BMPR1B: variants seen among roughly 807,000 people sequenced by gnomAD.
The protein encoded by BMPR1B is bone morphogenetic protein receptor type 1B, also known as bone morphogenetic protein receptor type-1B.
A neutral mutation model predicts 59.1 loss-of-function variants in BMPR1B; 12 were observed. That is an observed-to-expected ratio of 0.20 (90% CI 0.13 to 0.33). The LOEUF is 0.33. Ranked by LOEUF, BMPR1B falls within the 10% of genes least tolerant of loss-of-function variation. BMPR1B has a pLI of 1.00. For synonymous variants in BMPR1B, 237 were observed against 207.3 expected (o/e 1.14, Z -1.23); for missense variants, 550 against 610.9 (o/e 0.90, Z 1.05).
At position 94,845,622 on chromosome 4, in the gene BMPR1B, G is replaced by A. The variant is rs150474983; in HGVS notation, c.-182-30209G>A. Among the ~76,000 whole-genome samples the A allele has an allele frequency of 6.7e-3, 1,021 of 152,328 alleles. 10 individuals carry two copies. The highest frequency in any genetic ancestry group is 0.023 in the African/African-American group (944 of 41,578). On this transcript the variant is annotated intron_variant, in intron 1 of 12. Transcript: ENST00000515059. ...CTCCCAAAGTGCTGGGATTACAGGC[G>A]TGAGCCATCGTGCCTGGCCAACCAA...
intron 2 of BMPR1B, among the ~76,000 whole-genome samples, chr4:94,907,445 T>G (rs1195013327): frequency 6.6e-6 from 1 of 152,068 alleles, no homozygotes; most frequent in African/African-American, 2.4e-5. Context: ...TGTTAGGAGC[T>G]TTCAGTTCAG....
chr4:94,924,395 G>A (rs1728808756), intron 2 of BMPR1B, among the ~76,000 whole-genome samples: 1 of 152,062 alleles, frequency 6.6e-6, no homozygotes, highest in African/African-American at 2.4e-5. Flanking sequence ...AGGATACCTA[G>A]TCTACTACTC....
At position 94,855,269 on chromosome 4, in the gene BMPR1B, C is replaced by T. The variant is rs554732377; in HGVS notation, c.-182-20562C>T. Among the ~76,000 whole-genome samples, 4 of 152,248 alleles carry T rather than the reference C, an allele frequency of 2.6e-5. No homozygotes were observed. In the South Asian group the frequency reaches 8.3e-4, roughly 32 times the overall value. On this transcript the variant is annotated intron_variant, in intron 1 of 12. Coordinates refer to ENST00000515059, the MANE Select transcript of BMPR1B (RefSeq NM_001203.3). ...TTCTCTCTCATTTTAAGTCTCATAA[C>T]CATCTGATGAAGCAAGCATTATTAA... is the stretch of plus-strand genomic sequence containing the variant.
chr4:95,042,114 C>A (rs1725701824), intron 3 of BMPR1B, among the ~76,000 whole-genome samples: 1 of 152,216 alleles, frequency 6.6e-6, no homozygotes, highest in Non-Finnish European at 1.5e-5. Context: ...CCTCGGCCTC[C>A]CAAAGTGCTG....
intron 1 of BMPR1B, among the ~76,000 whole-genome samples, chr4:94,787,176 G>T (rs902564186): frequency 2.6e-5 from 4 of 152,108 alleles, no homozygotes; most frequent in African/African-American, 9.7e-5. Flanking sequence ...CTTAAAAGAC[G>T]TACTAAAGCA....
At chr4:94,932,746 G>T (rs1010079554) in intron 2 of BMPR1B, among the ~76,000 whole-genome samples, 2 of 152,024 alleles carry the variant, frequency 1.3e-5, no homozygotes, top group Non-Finnish European at 1.5e-5. Context: ...ATAATAATAA[G>T]AAACAGTAAT....
At chr4:94,899,417 A>T (rs754562598) in intron 2 of BMPR1B, among the ~76,000 whole-genome samples, 16 of 150,650 alleles carry the variant, frequency 1.1e-4, no homozygotes, top group African/African-American at 3.7e-4. Flanking sequence ...TCTTTAAATC[A>T]TATATGTATA....
intron 2 of BMPR1B, among the ~76,000 whole-genome samples, chr4:94,916,651 G>A (rs1462229525): frequency 1.3e-5 from 2 of 152,340 alleles, no homozygotes; most frequent in Non-Finnish European, 2.9e-5. Context: ...TCAACAGGAA[G>A]CAGAGCATAA....
chr4:94,966,196 C>G (rs552564566), intron 2 of BMPR1B, among the ~76,000 whole-genome samples: 81 of 152,150 alleles, frequency 5.3e-4, no homozygotes, highest in African/African-American at 1.8e-3. Flanking sequence ...TGATTTACAG[C>G]CCTGGTAATT....
At chr4:94,864,643 A>G (rs1171383722) in intron 1 of BMPR1B, among the ~76,000 whole-genome samples, 1 of 152,182 alleles carries the variant, frequency 6.6e-6, no homozygotes, top group Non-Finnish European at 1.5e-5. Flanking sequence ...TAGATTAGGG[A>G]TTCAACTTGG....
chr4:95,035,126 A>T (rs1251994716), intron 3 of BMPR1B, among the ~76,000 whole-genome samples: 1 of 151,352 alleles, frequency 6.6e-6, no homozygotes, highest in Non-Finnish European at 1.5e-5. Flanking sequence ...TTTCAATGGG[A>T]TTATTTGTTT....
At chr4:95,111,592 A>T (rs1279526720) in intron 4 of BMPR1B, among the ~76,000 whole-genome samples, 2 of 152,108 alleles carry the variant, frequency 1.3e-5, no homozygotes, top group African/African-American at 2.4e-5. Context: ...TGACCATAAT[A>T]AATGCATCTA....
chr4:95,051,612 T>C, intron 3 of BMPR1B: 1 of 1,228,066 alleles, frequency 8.1e-7, no homozygotes, highest in East Asian at 2.6e-5. Context: ...CTGACAAGAG[T>C]GGCAGCAGAG....
chr4:95,128,841 T>TC (rs1332471091), intron 8 of BMPR1B, among the ~76,000 whole-genome samples: 1 of 152,206 alleles, frequency 6.6e-6, no homozygotes, highest in African/African-American at 2.4e-5. Flanking sequence ...CAGTATGTAA[T>TC]CTGAAGAGGT....
At chr4:94,851,716 A>T (rs1251348390) in intron 1 of BMPR1B, among the ~76,000 whole-genome samples, 1 of 152,016 alleles carries the variant, frequency 6.6e-6, no homozygotes, top group Non-Finnish European at 1.5e-5. Flanking sequence ...GAAATTTTAT[A>T]TTTATATATT....
intron 1 of BMPR1B, among the ~76,000 whole-genome samples, chr4:94,798,483 A>G (rs1163064913): frequency 6.6e-6 from 1 of 152,160 alleles, no homozygotes; most frequent in East Asian, 1.9e-4. Context: ...ACTGAGTTTC[A>G]CTTAAGACCA....
At chr4:94,853,697 A>G (rs1332300652) in intron 1 of BMPR1B, among the ~76,000 whole-genome samples, 1 of 152,120 alleles carries the variant, frequency 6.6e-6, no homozygotes, top group Non-Finnish European at 1.5e-5. Context: ...CTAGCAGCAC[A>G]TGCCGCCATC....
In BMPR1B at chr4:95,148,777, A is replaced by G. The variant is rs747347346; in HGVS notation, c.1106A>G (p.Asn369Ser). The G allele has an allele frequency of 2.5e-6, 4 of 1,613,952 alleles. No individual in the cohort carries two copies. Among genetic ancestry groups the G allele is most frequent in the Admixed American group, 3.3e-5 (2 of 59,982 alleles). The change falls in exon 11 of 13, where the codon AAC becomes AGC. Residue 369 changes from asparagine to serine, a missense_variant. Physicochemically the swap from Asn to Ser is conservative, Grantham distance 46. This residue lies in a region of BMPR1B where 318 missense variants were observed against 284.6 expected (regional missense o/e 1.12). Coordinates refer to ENST00000515059, the MANE Select transcript of BMPR1B (RefSeq NM_001203.3). ...ACAAATGAAGTTGACATACCACCTA[A>G]CACTCGAGTTGGCACCAAACGCTAT... ...SDTNEVDIPP[N>S]TRVGTKRYMP...
At chr4:94,920,601 T>C (rs2149023968) in intron 2 of BMPR1B, among the ~76,000 whole-genome samples, 1 of 151,916 alleles carries the variant, frequency 6.6e-6, no homozygotes, top group African/African-American at 2.4e-5. Flanking sequence ...ACTGTGGGAG[T>C]GAGGAGTTGT....
Sources: allele counts gnomAD v4.1 joint callset (sites outside exome capture counted in the v4.1 genomes callset), GRCh38; gene constraint gnomAD v4.1.1; regional missense constraint gnomAD v4.1.1; transcripts MANE v1.5; gene names NCBI Gene and HGNC (gene_info 2026-07-23, HGNC 2026-07-21).